Variants in KCNJ6 observed in about 807,000 individuals in gnomAD.
KCNJ6 encodes potassium inwardly rectifying channel subfamily J member 6.
Under a neutral mutation model 34.2 loss-of-function variants are expected in KCNJ6, and 9 were observed. The observed-to-expected ratio is 0.26, with a 90% CI of 0.16 to 0.46. KCNJ6 has a LOEUF of 0.46. Ranked by LOEUF, KCNJ6 falls within the 20% of genes least tolerant of loss-of-function variation. The probability of loss-of-function intolerance (pLI) is 1.00; values close to 1 mark genes in which losing one functional copy is unlikely to be tolerated. For missense variants in KCNJ6, 236 were observed against 531.3 expected (o/e 0.44, Z 5.46); for synonymous variants, 196 against 207.1 (o/e 0.95, Z 0.46).
chr21:37,893,045 G>A (rs1175282166), intron 1 of KCNJ6, among the ~76,000 whole-genome samples: 10 of 151,530 alleles, frequency 6.6e-5, no homozygotes, highest in South Asian at 4.2e-4. Flanking sequence ...TAGTAGAGAC[G>A]GGGTTTCACC....
At chr21:37,626,370 G>A (rs1235979126) in intron 3 of KCNJ6, among the ~76,000 whole-genome samples, 1 of 152,112 alleles carries the variant, frequency 6.6e-6, no homozygotes, top group Non-Finnish European at 1.5e-5. Flanking sequence ...CTGAGCTCAG[G>A]CAATCCGCCT....
At position 37,614,207 on chromosome 21, in the gene KCNJ6, A is replaced by G. The variant is rs1157770541; in HGVS notation, c.*10952T>C. The G allele has an allele frequency of 6.6e-6, 1 of 152,246 alleles. No individual in the cohort carries two copies. Among genetic ancestry groups the G allele is most frequent in the Admixed American group, 6.5e-5 (1 of 15,284 alleles). 9.4% of individuals were successfully genotyped at this position (152,246 alleles called of 1,614,324 possible). ...TCCAGGGTTCCTACCAAACACTGGAAGAAAGGCTGTTGCCTGCAGGTTCAG... is the reference window on the plus strand; with the variant it reads ...TCCAGGGTTCCTACCAAACACTGGAGGAAAGGCTGTTGCCTGCAGGTTCAG... On this transcript the variant is annotated 3_prime_UTR_variant, in exon 4 of 4. Transcript: ENST00000609713.
At chr21:37,636,355 T>A (rs2054358089) in intron 3 of KCNJ6, among the ~76,000 whole-genome samples, 1 of 152,246 alleles carries the variant, frequency 6.6e-6, no homozygotes, top group Non-Finnish European at 1.5e-5. Flanking sequence ...GAAGGCTGCT[T>A]GATTTCCACA....
At chr21:37,849,808 C>T (rs1204629205) in intron 1 of KCNJ6, among the ~76,000 whole-genome samples, 1 of 152,200 alleles carries the variant, frequency 6.6e-6, no homozygotes, top group Non-Finnish European at 1.5e-5. Flanking sequence ...TAGGACTTGT[C>T]ATTCTTGGAG....
intron 3 of KCNJ6, among the ~76,000 whole-genome samples, chr21:37,707,735 G>GTGTGTGTGTATGTGTGCATGTGTATCC (rs1267356647): frequency 2.0e-5 from 3 of 149,796 alleles, no homozygotes; most frequent in African/African-American, 7.5e-5. Flanking sequence ...GTGTGTGTGT[G>GTGTGTGTGTATGTGTGCATGTGTATCC]AATAATTTAC....
chr21:37,654,620 A>G (rs2054449298), intron 3 of KCNJ6, among the ~76,000 whole-genome samples: 1 of 151,948 alleles, frequency 6.6e-6, no homozygotes, highest in Non-Finnish European at 1.5e-5. Context: ...TTGCCATTTT[A>G]ATGTCTCCGT....
chr21:37,886,045 T>G (rs748678058), intron 1 of KCNJ6, among the ~76,000 whole-genome samples: 3 of 152,182 alleles, frequency 2.0e-5, no homozygotes, highest in Admixed American at 6.5e-5. Flanking sequence ...GATTTGCTTA[T>G]TACGGATCCA....
intron 3 of KCNJ6, among the ~76,000 whole-genome samples, chr21:37,660,009 G>T (rs2054480868): frequency 6.6e-6 from 1 of 152,204 alleles, no homozygotes; most frequent in African/African-American, 2.4e-5. Flanking sequence ...GTCAAAAGAG[G>T]ATGCCAAAGT....
intron 2 of KCNJ6, among the ~76,000 whole-genome samples, chr21:37,726,911 G>T (rs999891996): frequency 4.6e-5 from 7 of 152,178 alleles, no homozygotes; most frequent in Non-Finnish European, 8.8e-5. Context: ...ACCTCAGAAG[G>T]TGACCTTATA....
chr21:37,638,624 G>A (rs1054779635), intron 3 of KCNJ6, among the ~76,000 whole-genome samples: 3 of 151,988 alleles, frequency 2.0e-5, no homozygotes, highest in Non-Finnish European at 2.9e-5. Flanking sequence ...TCCACCCTCC[G>A]CTAGCTTTCC....
rs1263425284 is a variant in KCNJ6, at chr21:37,620,006, G to A, written c.*5153C>T. The stretch of plus-strand genomic sequence containing the variant: ...TGAATGACTGGGCTCTCTAAGTCTT[G>A]TGAAGCAGTTGTCTCTTTGACAACC... On this transcript the variant is annotated 3_prime_UTR_variant, in exon 4 of 4. Coordinates refer to ENST00000609713, the MANE Select transcript of KCNJ6 (RefSeq NM_002240.5). The A allele has an allele frequency of 6.6e-6, 1 of 152,092 alleles. No individual in the cohort carries two copies. Among genetic ancestry groups the A allele is most frequent in the Non-Finnish European group, 1.5e-5 (1 of 68,008 alleles). 9.4% of individuals were successfully genotyped at this position (152,092 alleles called of 1,614,324 possible).
chr21:37,761,521 G>T (rs1193212490), intron 2 of KCNJ6, among the ~76,000 whole-genome samples: 9 of 149,816 alleles, frequency 6.0e-5, no homozygotes, highest in Non-Finnish European at 1.3e-4. Flanking sequence ...GTGTATATTT[G>T]TGTGTGTGGT....
chr21:37,842,783 C>A (rs1454314725), intron 1 of KCNJ6, among the ~76,000 whole-genome samples: 1 of 152,186 alleles, frequency 6.6e-6, no homozygotes, highest in African/African-American at 2.4e-5. Context: ...AACAGCTGAC[C>A]CCAGCGGGTT....
At chr21:37,692,908 A>G (rs558846366) in intron 3 of KCNJ6, among the ~76,000 whole-genome samples, 1 of 152,334 alleles carries the variant, frequency 6.6e-6, no homozygotes, top group Non-Finnish European at 1.5e-5. Context: ...TACTCTTAAC[A>G]TAGATACCAA....
intron 2 of KCNJ6, among the ~76,000 whole-genome samples, chr21:37,784,194 A>G (rs559918640): frequency 6.6e-6 from 1 of 152,132 alleles, no homozygotes; most frequent in East Asian, 1.9e-4. Flanking sequence ...AACTCTTCTC[A>G]CTACTCACTC....
intron 2 of KCNJ6, among the ~76,000 whole-genome samples, chr21:37,758,803 T>A (rs985612274): frequency 1.3e-5 from 2 of 152,152 alleles, no homozygotes; most frequent in Admixed American, 6.5e-5. Flanking sequence ...CCTACTTTTT[T>A]GTTTTTTTGT....
At chr21:37,702,061 C>T (rs1001014575) in intron 3 of KCNJ6, among the ~76,000 whole-genome samples, 4 of 151,712 alleles carry the variant, frequency 2.6e-5, no homozygotes, top group East Asian at 1.9e-4. Flanking sequence ...GGTGAAACCC[C>T]GTCTCTACTA....
intron 1 of KCNJ6, among the ~76,000 whole-genome samples, chr21:37,842,716 C>G (rs2055487184): frequency 7.2e-6 from 1 of 139,172 alleles, no homozygotes; most frequent in Non-Finnish European, 1.6e-5. Context: ...ATAAGACAGG[C>G]AGAGAGGAGC....
chr21:37,809,443 TGCA>T (rs954430721), intron 2 of KCNJ6, among the ~76,000 whole-genome samples: 2 of 151,808 alleles, frequency 1.3e-5, no homozygotes, highest in Non-Finnish European at 2.9e-5. Flanking sequence ...AGTTAATGGG[TGCA>T]GCACACCAAC....
Sources: gnomAD v4.1 joint callset for allele counts (sites outside exome capture counted in the v4.1 genomes callset) on GRCh38, gnomAD v4.1.1 for gene constraint, MANE v1.5 for transcripts, NCBI Gene and HGNC (gene_info 2026-07-23, HGNC 2026-07-21) for gene names.